Variants in RIMS1 observed in about 807,000 individuals in gnomAD.
The protein encoded by RIMS1 is regulating synaptic membrane exocytosis 1.
In RIMS1, 83 loss-of-function variants were observed where a neutral mutation model predicts 214.1. That is an observed-to-expected ratio of 0.39 (90% CI 0.32 to 0.47). The LOEUF is 0.47. Ranked by LOEUF, RIMS1 falls within the 20% of genes least tolerant of loss-of-function variation. RIMS1 has a pLI of 0.99. For synonymous variants in RIMS1, 793 were observed against 786.8 expected, an observed-to-expected ratio of 1.01 and a Z score of -0.13; for missense variants, 2,050 against 2,161.8, an observed-to-expected ratio of 0.95 and a Z score of 1.03.
At chr6:72,288,921 A>G (rs1167158379) in intron 24 of RIMS1, among the ~76,000 whole-genome samples, 2 of 152,224 alleles carry the variant, frequency 1.3e-5, no homozygotes, top group Non-Finnish European at 2.9e-5. Flanking sequence ...ATTAACCTCA[A>G]ACATTACAGG....
At chr6:71,925,166 G>A (rs1781237879) in intron 1 of RIMS1, among the ~76,000 whole-genome samples, 1 of 152,154 alleles carries the variant, frequency 6.6e-6, no homozygotes, top group Non-Finnish European at 1.5e-5. Context: ...GAGGTTTTCT[G>A]CCCTCTTTTA....
At chr6:71,899,182 A>T (rs1009594373) in intron 1 of RIMS1, among the ~76,000 whole-genome samples, 1 of 152,090 alleles carries the variant, frequency 6.6e-6, no homozygotes, top group Admixed American at 6.6e-5. Context: ...TGATAATTTT[A>T]TTTTTAATTT....
intron 29 of RIMS1, among the ~76,000 whole-genome samples, chr6:72,342,246 T>C (rs1389630308): frequency 6.6e-6 from 1 of 151,812 alleles, no homozygotes; most frequent in African/African-American, 2.4e-5. Context: ...TCATTTCAGC[T>C]CCTTCTCTCT....
chr6:71,962,811 T>C (rs1793335085), intron 1 of RIMS1, among the ~76,000 whole-genome samples: 1 of 152,184 alleles, frequency 6.6e-6, no homozygotes, highest in African/African-American at 2.4e-5. Context: ...GTCTTGCAAA[T>C]GAATCTTTTG....
intron 1 of RIMS1, among the ~76,000 whole-genome samples, chr6:71,939,449 C>T (rs1785389123): frequency 6.6e-6 from 1 of 152,208 alleles, no homozygotes. Context: ...GTTATAGCAA[C>T]AAGCCCTCTT....
intron 6 of RIMS1, among the ~76,000 whole-genome samples, chr6:72,198,768 C>T (rs1026258126): frequency 6.6e-6 from 1 of 151,912 alleles, no homozygotes; most frequent in East Asian, 1.9e-4. Flanking sequence ...GTACATGTAC[C>T]TCATAATTAT....
intron 9 of RIMS1, among the ~76,000 whole-genome samples, chr6:72,238,198 A>G (rs1370142110): frequency 6.6e-6 from 1 of 152,070 alleles, no homozygotes; most frequent in Non-Finnish European, 1.5e-5. Context: ...TGTAAAATAT[A>G]GAAGAATTAC....
chr6:72,380,140 C>T (rs914751834), intron 29 of RIMS1, among the ~76,000 whole-genome samples: 5 of 151,992 alleles, frequency 3.3e-5, no homozygotes, highest in Non-Finnish European at 5.9e-5. Context: ...AGCAAACTAT[C>T]GCAAGGATAG....
Position 72,278,149 on chromosome 6 carries a change from TTTAA to T in RIMS1, c.3482+3719_3482+3722del, listed in dbSNP as rs1322822972. On this transcript the variant is annotated intron_variant, in intron 23 of 33. Coordinates refer to ENST00000521978, the MANE Select transcript of RIMS1 (RefSeq NM_014989.7). ...TTCAATATTTTGATTGAGAATGGTT[TTTAA>T]TCTATCTATCTATCTATCTATCTAT... is the stretch of plus-strand genomic sequence containing the variant. Among the ~76,000 whole-genome samples the T allele has an allele frequency of 7.1e-5, 9 of 127,190 alleles. No individual in the cohort carries two copies. In the South Asian group the frequency reaches 2.4e-3, roughly 33 times the overall value. 83.4% of individuals were successfully genotyped at this position (127,190 alleles called of 152,430 possible). A position where few individuals can be genotyped will look rare whatever the true frequency, so the allele number is the denominator to read the frequency against.
Position 72,350,513 on chromosome 6 carries a change from A to G in RIMS1, c.4366+16678A>G, listed in dbSNP as rs77222465. On this transcript the variant is annotated intron_variant, in intron 29 of 33. Transcript: ENST00000521978. ...TCCTAGATTCACTGGCCCAGATAGC[A>G]CAATACAGCAGGCAGCTTTTTACTC... Among the ~76,000 whole-genome samples the G allele has an allele frequency of 7.6e-3, 1,153 of 152,276 alleles. 15 individuals are homozygous for G. Among genetic ancestry groups the G allele is most frequent in the African/African-American group, 0.027 (1,104 of 41,560 alleles).
chr6:72,022,468 A>T (rs540234851), intron 2 of RIMS1, among the ~76,000 whole-genome samples: 1 of 152,348 alleles, frequency 6.6e-6, no homozygotes, highest in African/African-American at 2.4e-5. Context: ...CTAATACATT[A>T]GGTACATTTA....
chr6:72,329,947 G>A (rs1186146160), intron 28 of RIMS1, among the ~76,000 whole-genome samples: 1 of 151,718 alleles, frequency 6.6e-6, no homozygotes, highest in African/African-American at 2.4e-5. Context: ...TGAGTACAAG[G>A]TGCAGGAAAA....
At chr6:72,164,028 G>A (rs1289230124) in intron 4 of RIMS1, among the ~76,000 whole-genome samples, 1 of 152,162 alleles carries the variant, frequency 6.6e-6, no homozygotes, top group Non-Finnish European at 1.5e-5. Context: ...TTGAGCTGTG[G>A]TGGGCTCCAC....
chr6:72,233,938 G>C, intron 7 of RIMS1, 98 bp downstream of exon 7: 1 of 765,098 alleles, frequency 1.3e-6, no homozygotes, highest in Admixed American at 2.3e-5. Context: ...TATTCATTTG[G>C]TAAGGGCAAA....
At chr6:72,078,886 T>C (rs1477312314) in intron 2 of RIMS1, among the ~76,000 whole-genome samples, 1 of 152,110 alleles carries the variant, frequency 6.6e-6, no homozygotes, top group Non-Finnish European at 1.5e-5. Context: ...TATATATCTA[T>C]ACACACATAC....
chr6:72,324,078 AGAG>A (rs1226569871), intron 28 of RIMS1, among the ~76,000 whole-genome samples: 1 of 151,786 alleles, frequency 6.6e-6, no homozygotes, highest in South Asian at 2.1e-4. Flanking sequence ...ATAGATAGAT[AGAG>A]AACAAAGAGA....
chr6:72,110,885 C>A (rs1468603661), intron 4 of RIMS1, among the ~76,000 whole-genome samples: 1 of 152,076 alleles, frequency 6.6e-6, no homozygotes, highest in Non-Finnish European at 1.5e-5. Context: ...CCATCAATAC[C>A]TAGGTTTCAG....
chr6:72,027,683 A>C (rs759986349), intron 2 of RIMS1, among the ~76,000 whole-genome samples: 11 of 152,074 alleles, frequency 7.2e-5, no homozygotes, highest in Non-Finnish European at 1.3e-4. Context: ...TTTCATAGAT[A>C]GCTTCTTACT....
chr6:72,227,964 T>G (rs1236053800), intron 6 of RIMS1, among the ~76,000 whole-genome samples: 1 of 151,856 alleles, frequency 6.6e-6, no homozygotes, highest in African/African-American at 2.4e-5. Context: ...AAGGGAAATA[T>G]TTTTCTTTTT....
Sources: gnomAD v4.1 joint callset for allele counts (sites outside exome capture counted in the v4.1 genomes callset) on GRCh38, gnomAD v4.1.1 for gene constraint, MANE v1.5 for transcripts, NCBI Gene and HGNC (gene_info 2026-07-23, HGNC 2026-07-21) for gene names.